The following GDPD1 variants were observed in gnomAD, a reference collection of about 807,000 sequenced individuals.
GDPD1 encodes the protein lysophospholipase D GDPD1.
GDPD1 carries 28 observed loss-of-function variants against 45.1 expected under a neutral mutation model. That is an observed-to-expected ratio of 0.62 (90% CI 0.46 to 0.85). GDPD1 has a LOEUF of 0.85. GDPD1 is among the 40% of genes least tolerant of loss of function. The pLI is 0.00. For synonymous variants in GDPD1, 139 were observed against 131.4 expected, an observed-to-expected ratio of 1.06 and a Z score of -0.40; for missense variants, 256 against 364.8, an observed-to-expected ratio of 0.70 and a Z score of 2.43.
intron 4 of GDPD1, among the ~76,000 whole-genome samples, chr17:59,249,919 G>A (rs1349586119): frequency 2.0e-5 from 3 of 152,022 alleles, no homozygotes; most frequent in South Asian, 2.1e-4. Context: ...GTGTGGTGAC[G>A]TACACCTCTA....
intron 4 of GDPD1, among the ~76,000 whole-genome samples, chr17:59,250,840 C>G (rs2047247540): frequency 1.3e-5 from 2 of 151,996 alleles, no homozygotes; most frequent in South Asian, 2.1e-4. Flanking sequence ...GCTGGGATTA[C>G]AGGTACCCGC....
chr17:59,248,354 TA>T (rs1384403432), intron 3 of GDPD1, among the ~76,000 whole-genome samples: 2 of 150,176 alleles, frequency 1.3e-5, no homozygotes, highest in Non-Finnish European at 3.0e-5. Context: ...TTGAGCATTA[TA>T]ATTATACCAA....
At chr17:59,257,666 C>A in intron 5 of GDPD1, 85 bp from the exon 6 acceptor site, 1 of 818,658 alleles carries the variant, frequency 1.2e-6, no homozygotes, top group Non-Finnish European at 2.1e-6. Context: ...CACAGATAGT[C>A]AATTCTAATT....
intron 4 of GDPD1, among the ~76,000 whole-genome samples, chr17:59,255,815 G>GTATA (rs370143587): frequency 2.4e-4 from 12 of 49,156 alleles, no homozygotes; most frequent in South Asian, 6.0e-4. Flanking sequence ...ATATATACGC[G>GTATA]TATATATATA....
At chr17:59,233,206 G>T (rs28835288) in intron 1 of GDPD1, among the ~76,000 whole-genome samples, 15 of 150,322 alleles carry the variant, frequency 1.0e-4, no homozygotes, top group Admixed American at 9.9e-4. Flanking sequence ...ACAGAGTGAT[G>T]ATCTGTCTCA....
At chr17:59,254,892 T>C (rs889874506) in intron 4 of GDPD1, among the ~76,000 whole-genome samples, 4 of 152,184 alleles carry the variant, frequency 2.6e-5, no homozygotes, top group African/African-American at 9.6e-5. Context: ...AAGAGGCTTC[T>C]CTCCCAGTGT....
intron 3 of GDPD1, among the ~76,000 whole-genome samples, chr17:59,247,252 A>G (rs1235429784): frequency 1.3e-5 from 2 of 152,180 alleles, no homozygotes; most frequent in Non-Finnish European, 2.9e-5. Flanking sequence ...CTCATAGTCC[A>G]TAGTTTACAT....
intron 4 of GDPD1, among the ~76,000 whole-genome samples, chr17:59,255,697 C>T (rs1256209295): frequency 1.5e-5 from 2 of 131,502 alleles, no homozygotes; most frequent in Admixed American, 8.3e-5. Context: ...GAGCCGAGAT[C>T]GCACTATCGC....
chr17:59,243,192 G>GA (rs979919340), intron 2 of GDPD1, among the ~76,000 whole-genome samples: 15 of 149,240 alleles, frequency 1.0e-4, no homozygotes, highest in East Asian at 5.9e-4. Context: ...CTGTCTAAAA[G>GA]AAAAAAAAAA....
intron 2 of GDPD1, among the ~76,000 whole-genome samples, chr17:59,244,798 C>G (rs761061987): frequency 1.1e-4 from 16 of 151,154 alleles, no homozygotes; most frequent in Non-Finnish European, 1.9e-4. Flanking sequence ...GAGTTCAAGA[C>G]CAGCCTGAAC....
chr17:59,256,926 G>GA (rs2047313755), intron 4 of GDPD1, among the ~76,000 whole-genome samples, 196 bp from the exon 5 acceptor site: 1 of 151,854 alleles, frequency 6.6e-6, no homozygotes, highest in African/African-American at 2.4e-5. Context: ...TCATGCATAG[G>GA]AAAAAAGAGT....
At chr17:59,272,637 T>C in intron 8 of GDPD1, 148 bp from the exon 9 acceptor site, 1 of 584,436 alleles carries the variant, frequency 1.7e-6, no homozygotes, top group South Asian at 2.0e-5. Flanking sequence ...AGACATAAAT[T>C]AATTCACAAC....
At chr17:59,253,522 A>G (rs1238817295) in intron 4 of GDPD1, among the ~76,000 whole-genome samples, 2 of 152,140 alleles carry the variant, frequency 1.3e-5, no homozygotes, top group East Asian at 3.8e-4. Context: ...GTATCTTTAC[A>G]TCACTATAGC....
At chr17:59,224,064 CT>C (rs2047026643) in intron 1 of GDPD1, among the ~76,000 whole-genome samples, 2 of 152,158 alleles carry the variant, frequency 1.3e-5, no homozygotes. Flanking sequence ...TTCTTAAAGA[CT>C]TTCCTAATGA....
At position 59,220,526 on chromosome 17, in the gene GDPD1, A is replaced by AGCC. The variant is rs1376679164; in HGVS notation, c.-70_-68dup. The AGCC allele has an allele frequency of 3.9e-5, 57 of 1,478,264 alleles. No homozygotes were observed. The South Asian group carries it at 4.3e-4, about 11-fold the overall frequency. The allele number at this position is 1,478,264 out of a possible 1,614,324, so 91.6% of individuals were successfully genotyped here. On this transcript the variant is annotated 5_prime_UTR_variant, in exon 1 of 10. Coordinates refer to ENST00000284116, the MANE Select transcript of GDPD1 (RefSeq NM_182569.4). ...GGCTGGGGGCGAGCCGACCTCGAGC[A>AGCC]GCCGCCGCCGCCGCCGTCGTTGCTA...
intron 1 of GDPD1, among the ~76,000 whole-genome samples, chr17:59,227,521 C>T (rs2047056593): frequency 6.6e-6 from 1 of 151,856 alleles, no homozygotes; most frequent in Non-Finnish European, 1.5e-5. Context: ...TCAATATGTT[C>T]ACATCAAAAT....
Position 59,220,556 on chromosome 17 carries a change from C to A in GDPD1, c.-54C>A. On this transcript the variant is annotated 5_prime_UTR_variant, in exon 1 of 10. Transcript: ENST00000284116. ...CCGCCGCCGCCGTCGTTGCTACTGCCGCAGCGGAGTTCAGAGGGCCCGGAG... is the reference window on the plus strand; with the variant it reads ...CCGCCGCCGCCGTCGTTGCTACTGCAGCAGCGGAGTTCAGAGGGCCCGGAG... The A allele has an allele frequency of 6.3e-7, 1 of 1,580,600 alleles. No homozygotes were observed. Among genetic ancestry groups the A allele is most frequent in the Non-Finnish European group, 8.6e-7 (1 of 1,160,962 alleles).
rs892784164 is a variant in GDPD1, at chr17:59,274,587, G to T, written c.*814G>T. On this transcript the variant is annotated 3_prime_UTR_variant, in exon 10 of 10. Coordinates refer to ENST00000284116, the MANE Select transcript of GDPD1 (RefSeq NM_182569.4). ...GAGGTCAGGAGATCGAGACCATCCT[G>T]GCTAACATGGTGAAACCCCGTCTCT... The T allele has an allele frequency of 6.8e-6, 1 of 147,270 alleles. No individual in the cohort carries two copies. Among genetic ancestry groups the T allele is most frequent in the Admixed American group, 6.9e-5 (1 of 14,514 alleles). 9.1% of individuals were successfully genotyped at this position (147,270 alleles called of 1,614,324 possible).
chr17:59,269,841 A>G (rs1005749423), intron 7 of GDPD1, among the ~76,000 whole-genome samples: 17 of 152,148 alleles, frequency 1.1e-4, no homozygotes, highest in African/African-American at 3.9e-4. Context: ...TAAATAAAAC[A>G]TTTATTCCTA....
Sources: gnomAD v4.1 joint callset for allele counts (sites outside exome capture counted in the v4.1 genomes callset) on GRCh38, gnomAD v4.1.1 for gene constraint, MANE v1.5 for transcripts, NCBI Gene and HGNC (gene_info 2026-07-23, HGNC 2026-07-21) for gene names.